The following PRKDC variants were observed in gnomAD, a reference collection of about 807,000 sequenced individuals.
PRKDC encodes protein kinase, DNA-activated, catalytic subunit.
A neutral mutation model predicts 486.9 loss-of-function variants in PRKDC; 82 were observed. That is an observed-to-expected ratio of 0.17 (90% CI 0.14 to 0.20). The LOEUF (loss-of-function observed/expected upper bound fraction) is 0.20, where lower values mean the gene tolerates loss of function less well. PRKDC is among the 10% of genes least tolerant of loss of function. The probability of loss-of-function intolerance (pLI) is 1.00; values close to 1 mark genes in which losing one functional copy is unlikely to be tolerated. For missense variants in PRKDC, 4,504 were observed against 5,038.2 expected, an observed-to-expected ratio of 0.89 and a Z score of 3.21; for synonymous variants, 1,895 against 1,837.0, an observed-to-expected ratio of 1.03 and a Z score of -0.81.
intron 59 of PRKDC, among the ~76,000 whole-genome samples, chr8:47,833,630 G>A (rs1299096727): frequency 1.3e-5 from 2 of 152,032 alleles, no homozygotes; most frequent in South Asian, 2.1e-4. Flanking sequence ...TCCTAAAGCT[G>A]AAGTTCGACA....
chr8:47,827,263 A>G (rs969836238), intron 62 of PRKDC, among the ~76,000 whole-genome samples: 1 of 152,294 alleles, frequency 6.6e-6, no homozygotes, highest in East Asian at 1.9e-4. Flanking sequence ...AAAACTAAGT[A>G]TTTCATTTCA....
intron 50 of PRKDC, among the ~76,000 whole-genome samples, chr8:47,854,632 C>T (rs546096660): frequency 1.3e-5 from 2 of 152,364 alleles, no homozygotes; most frequent in East Asian, 3.9e-4. Context: ...AGCCACCGTG[C>T]CCGGCCAAAT....
At chr8:47,915,860 G>A (rs1467802983) in intron 22 of PRKDC, among the ~76,000 whole-genome samples, 4 of 152,206 alleles carry the variant, frequency 2.6e-5, no homozygotes, top group Non-Finnish European at 5.9e-5. Context: ...TTAGCTAACT[G>A]TAGTTATTCT....
At chr8:47,943,447 C>T in intron 9 of PRKDC, 81 bp from the exon 10 acceptor site, 1 of 1,387,478 alleles carries the variant, frequency 7.2e-7, no homozygotes, top group Non-Finnish European at 9.7e-7. Context: ...AGGGATATGT[C>T]AAAGTCAACA....
rs375334524 is a variant in PRKDC, at chr8:47,904,968, C to T, written c.2943G>A (p.Arg981=). 1.1e-5 allele frequency: 18 copies of T among 1,609,680 alleles called. No homozygotes were observed. Among genetic ancestry groups the T allele is most frequent in the Non-Finnish European group, 1.4e-5 (17 of 1,176,670 alleles). The change falls in exon 26 of 86, where the codon AGG becomes AGA. Residue 981 remains arginine (R), a synonymous_variant. Coordinates refer to ENST00000314191, the MANE Select transcript of PRKDC (RefSeq NM_006904.7). The part of the protein sequence containing the change: ...RLACDVDQVT[R]QLYEPLVMQL... ...GCATAACTAGTGGCTCATACAGTTGCCTTGTCACCTGAAGAAACAATACCA... is the reference window on the plus strand; with the variant it reads ...GCATAACTAGTGGCTCATACAGTTGTCTTGTCACCTGAAGAAACAATACCA...
chr8:47,933,890 T>C, intron 15 of PRKDC, 75 bp downstream of exon 15: 1 of 1,393,160 alleles, frequency 7.2e-7, no homozygotes. Flanking sequence ...AATTCTGAAA[T>C]AAGTCTTATG....
intron 1 of PRKDC, among the ~76,000 whole-genome samples, 176 bp downstream of exon 1, chr8:47,959,797 G>A (rs1312189457): frequency 1.3e-5 from 2 of 152,092 alleles, no homozygotes; most frequent in Admixed American, 1.3e-4. Flanking sequence ...AATACTAGGG[G>A]GTAAAAAGCA....
At chr8:47,807,433 T>G (rs1010265011) in intron 68 of PRKDC, 107 bp from the exon 69 acceptor site, 13 of 1,022,796 alleles carry the variant, frequency 1.3e-5, no homozygotes, top group Non-Finnish European at 1.6e-5. Flanking sequence ...GTTCTTTTTT[T>G]TTTGAGATGG....
At chr8:47,810,806 A>T (rs960775630) in intron 68 of PRKDC, among the ~76,000 whole-genome samples, 1 of 152,238 alleles carries the variant, frequency 6.6e-6, no homozygotes, top group Non-Finnish European at 1.5e-5. Context: ...CACTAGACAG[A>T]CTTACTAGAA....
intron 40 of PRKDC, among the ~76,000 whole-genome samples, chr8:47,872,264 A>G (rs910076282): frequency 2.6e-5 from 4 of 152,172 alleles, no homozygotes; most frequent in Non-Finnish European, 4.4e-5. Flanking sequence ...GTAACCTCAA[A>G]TCAAAAATAA....
chr8:47,934,609 A>C (rs1460182092), intron 14 of PRKDC, among the ~76,000 whole-genome samples: 3 of 152,256 alleles, frequency 2.0e-5, no homozygotes, highest in African/African-American at 7.2e-5. Context: ...TGATACACCA[A>C]CAAGTACTTC....
intron 46 of PRKDC, among the ~76,000 whole-genome samples, chr8:47,859,351 C>A (rs940641326): frequency 6.6e-6 from 1 of 152,138 alleles, no homozygotes; most frequent in Non-Finnish European, 1.5e-5. Context: ...TATGGTGACT[C>A]CCCGGGAGTG....
chr8:47,912,825 T>A (rs1217899982), intron 24 of PRKDC, among the ~76,000 whole-genome samples: 1 of 152,246 alleles, frequency 6.6e-6, no homozygotes, highest in African/African-American at 2.4e-5. Context: ...TGTTGCCATA[T>A]TAAAGAACTA....
intron 78 of PRKDC, among the ~76,000 whole-genome samples, chr8:47,783,462 C>T (rs536558401): frequency 6.2e-4 from 94 of 151,604 alleles, no homozygotes; most frequent in African/African-American, 2.2e-3. Context: ...TGATGGCGTG[C>T]GCCTGTAATC....
rs552536762 is a variant in PRKDC at position 47,815,320 on chromosome 8, G to T, written c.9557+2130C>A. On this transcript the variant is annotated intron_variant, in intron 68 of 85. Transcript: ENST00000314191. ...ATTGAGTTTCAAAAAAATTGCCAAG[G>T]TGACTCAATTATGAAAGACTTTTGA... is the stretch of plus-strand genomic sequence containing the variant. Among the ~76,000 whole-genome samples the T allele has an allele frequency of 2.6e-5, 4 of 152,246 alleles. No homozygotes were observed. The East Asian group carries it at 7.7e-4, about 29-fold the overall frequency.
At chr8:47,918,244 T>C (rs745963501) in intron 22 of PRKDC, 33 bp downstream of exon 22, 12 of 1,393,686 alleles carry the variant, frequency 8.6e-6, no homozygotes, top group East Asian at 7.3e-5. Context: ...CTCTGCATTA[T>C]GTAAGGTACA....
At chr8:47,942,003 A>G (rs991480171) in intron 10 of PRKDC, among the ~76,000 whole-genome samples, 1 of 152,148 alleles carries the variant, frequency 6.6e-6, no homozygotes, top group Non-Finnish European at 1.5e-5. Context: ...CTGCAGGCCC[A>G]CGCCCCACCC....
intron 40 of PRKDC, among the ~76,000 whole-genome samples, chr8:47,874,812 T>C (rs945416531): frequency 1.3e-5 from 2 of 152,132 alleles, no homozygotes; most frequent in African/African-American, 2.4e-5. Context: ...CCCAGCACTT[T>C]GGAAGGCCGA....
At chr8:47,927,402 T>A (rs1283228438) in intron 20 of PRKDC, 49 bp from the exon 21 acceptor site, 1 of 1,546,908 alleles carries the variant, frequency 6.5e-7, no homozygotes, top group South Asian at 1.2e-5. Context: ...AAATATAAGA[T>A]TTAGAGGAAA....
Sources: gnomAD v4.1 joint callset for allele counts (sites outside exome capture counted in the v4.1 genomes callset) on GRCh38, gnomAD v4.1.1 for gene constraint, MANE v1.5 for transcripts, NCBI Gene and HGNC (gene_info 2026-07-23, HGNC 2026-07-21) for gene names.